The following MRAP2 variants were observed in gnomAD, a reference collection of about 807,000 sequenced individuals.
The protein encoded by MRAP2 is melanocortin 2 receptor accessory protein 2, also known as melanocortin-2 receptor accessory protein 2.
A neutral mutation model predicts 17.4 loss-of-function variants in MRAP2; 20 were observed. That is an observed-to-expected ratio of 1.15 (90% CI 0.81 to 1.67). The LOEUF (loss-of-function observed/expected upper bound fraction) is 1.67. MRAP2 is among the 40% of genes most tolerant of loss of function. The pLI, the probability that MRAP2 is intolerant of heterozygous loss-of-function variation, is 0.00. For synonymous variants in MRAP2, 96 were observed against 88.4 expected, an observed-to-expected ratio of 1.09 and a Z score of -0.48; for missense variants, 238 against 240.0, an observed-to-expected ratio of 0.99 and a Z score of 0.05.
intron 1 of MRAP2, among the ~76,000 whole-genome samples, chr6:84,038,980 G>T (rs2099486841): frequency 6.6e-6 from 1 of 152,142 alleles, no homozygotes; most frequent in Non-Finnish European, 1.5e-5. Flanking sequence ...CATATGCTTG[G>T]GTTAAAATTA....
intron 3 of MRAP2, among the ~76,000 whole-genome samples, chr6:84,078,244 A>C (rs1394749638): frequency 6.6e-6 from 1 of 152,240 alleles, no homozygotes; most frequent in Non-Finnish European, 1.5e-5. Flanking sequence ...CATAACTGAC[A>C]AAGAACTCAT....
At chr6:84,106,233 G>C in the MRAP2 span, among the ~76,000 whole-genome samples, 3 of 152,134 alleles carry the variant, frequency 2.0e-5, no homozygotes, top group African/African-American at 7.2e-5. Context: ...TGATTTTCTT[G>C]GTCAGTAGCA....
chr6:84,110,231 C>T, the MRAP2 span, among the ~76,000 whole-genome samples: 2 of 152,350 alleles, frequency 1.3e-5, no homozygotes, highest in East Asian at 3.9e-4. Flanking sequence ...TCCTATTTCT[C>T]CACATCTTCT....
At chr6:84,119,320 C>G in the MRAP2 span, among the ~76,000 whole-genome samples, 1 of 152,004 alleles carries the variant, frequency 6.6e-6, no homozygotes, top group Non-Finnish European at 1.5e-5. Flanking sequence ...GGATTTCTTC[C>G]AATTTGTGTT....
rs577075617 is a variant in MRAP2 at position 84,062,968 on chromosome 6, C to G, written c.203C>G (p.Thr68Ser). 6.2e-7 allele frequency: 1 copy of G among 1,614,138 alleles called. No homozygotes were observed. Among genetic ancestry groups the G allele is most frequent in the African/African-American group, 1.3e-5 (1 of 75,028 alleles). Residue 68 changes from threonine to serine, a missense_variant, in exon 3 of 4, where the codon ACC becomes AGC. Coordinates refer to ENST00000257776, the MANE Select transcript of MRAP2 (RefSeq NM_138409.4). ...ATGTTTTTTGTGCTGACCTTGCTGA[C>G]CAAGACAGGAGCCCCACACCAAGAG... Reference protein sequence around the residue: ...IFMFFVLTLLTKTGAPHQDNA... With the variant: ...IFMFFVLTLLSKTGAPHQDNA...
chr6:84,126,980 T>C, the MRAP2 span, among the ~76,000 whole-genome samples: 1 of 152,188 alleles, frequency 6.6e-6, no homozygotes, highest in Admixed American at 6.5e-5. Flanking sequence ...CCTTATCACT[T>C]TATAATTTGT....
chr6:84,060,564 C>T (rs1378566257), intron 2 of MRAP2, among the ~76,000 whole-genome samples: 2 of 152,172 alleles, frequency 1.3e-5, no homozygotes, highest in Admixed American at 6.5e-5. Context: ...TGATAAAGTA[C>T]AGTGTAGGGA....
At chr6:84,066,004 AACACACACAC>A (rs10684117) in intron 3 of MRAP2, among the ~76,000 whole-genome samples, 11 of 142,416 alleles carry the variant, frequency 7.7e-5, no homozygotes, top group South Asian at 2.3e-4. Context: ...TCTCTTTATA[AACACACACAC>A]ACACACACAC....
chr6:84,131,888 T>C, the MRAP2 span, among the ~76,000 whole-genome samples: 1 of 152,218 alleles, frequency 6.6e-6, no homozygotes, highest in Non-Finnish European at 1.5e-5. Flanking sequence ...GTCATTGTGA[T>C]GTTAGCTGGT....
intron 2 of MRAP2, among the ~76,000 whole-genome samples, chr6:84,059,201 G>T (rs1015071598): frequency 6.6e-6 from 1 of 152,306 alleles, no homozygotes; most frequent in Middle Eastern, 3.4e-3. Context: ...GCTATCAGTG[G>T]TGGCCAAATT....
At chr6:84,116,786 C>T in the MRAP2 span, among the ~76,000 whole-genome samples, 1 of 152,226 alleles carries the variant, frequency 6.6e-6, no homozygotes, top group East Asian at 1.9e-4. Flanking sequence ...TGATGAATCA[C>T]ATTTATTGAC....
intron 3 of MRAP2, among the ~76,000 whole-genome samples, chr6:84,084,866 TTA>T (rs1400356865): frequency 2.9e-4 from 35 of 120,110 alleles, no homozygotes; most frequent in Non-Finnish European, 1.5e-4. Flanking sequence ...TTTCTTTATT[TTA>T]TTTTATTTTA....
At chr6:84,094,675 T>C (rs558724255), downstream of MRAP2, among the ~76,000 whole-genome samples, 133 of 152,198 alleles carry the variant, frequency 8.7e-4, no homozygotes, top group African/African-American at 3.1e-3. Flanking sequence ...CTGTTCATGA[T>C]GATTTAGATA....
chr6:84,123,251 T>TA, the MRAP2 span, among the ~76,000 whole-genome samples: 2 of 76,608 alleles, frequency 2.6e-5, no homozygotes, highest in African/African-American at 1.6e-4. Context: ...AACGCCCAAC[T>TA]CCAAAAAAAA....
chr6:84,035,347 A>G (rs905022902), intron 1 of MRAP2: 2 of 816,126 alleles, frequency 2.5e-6, no homozygotes, highest in African/African-American at 3.7e-5. Context: ...ATTCTTTAAG[A>G]TAGCTCAAAA....
At chr6:84,127,839 T>G in the MRAP2 span, among the ~76,000 whole-genome samples, 1 of 152,218 alleles carries the variant, frequency 6.6e-6, no homozygotes, top group Non-Finnish European at 1.5e-5. Context: ...CAATGACTAG[T>G]GAGATAAGTG....
chr6:84,068,426 A>G (rs1378620412), intron 3 of MRAP2, among the ~76,000 whole-genome samples: 1 of 152,162 alleles, frequency 6.6e-6, no homozygotes, highest in East Asian at 1.9e-4. Flanking sequence ...GTGAAGAATG[A>G]TGGTGGTATT....
intron 3 of MRAP2, among the ~76,000 whole-genome samples, chr6:84,077,576 C>T (rs1297442474): frequency 2.0e-5 from 3 of 152,080 alleles, no homozygotes; most frequent in Non-Finnish European, 4.4e-5. Flanking sequence ...CTTCAATTTC[C>T]CTTTGTAATG....
At chr6:84,086,577 T>A (rs981964108) in intron 3 of MRAP2, among the ~76,000 whole-genome samples, 2 of 152,174 alleles carry the variant, frequency 1.3e-5, no homozygotes, top group African/African-American at 4.8e-5. Context: ...ATATTGAGTG[T>A]TTAATATTTA....
Sources: allele counts gnomAD v4.1 joint callset (sites outside exome capture counted in the v4.1 genomes callset), GRCh38; gene constraint gnomAD v4.1.1; transcripts MANE v1.5; gene names NCBI Gene and HGNC (gene_info 2026-07-23, HGNC 2026-07-21).